Variants in MIPEP observed in about 807,000 individuals in gnomAD.
MIPEP encodes the protein mitochondrial intermediate peptidase.
Under a neutral mutation model 90.3 loss-of-function variants are expected in MIPEP, and 79 were observed. That is an observed-to-expected ratio of 0.87 (90% CI 0.73 to 1.05). The LOEUF (loss-of-function observed/expected upper bound fraction) is 1.05. MIPEP is among the 50% of genes least tolerant of loss of function. The probability of loss-of-function intolerance (pLI) is 0.00; values close to 1 mark genes in which losing one functional copy is unlikely to be tolerated. For synonymous variants in MIPEP, 334 were observed against 315.8 expected (o/e 1.06, Z -0.61); for missense variants, 940 against 905.6 (o/e 1.04, Z -0.49).
intron 14 of MIPEP, among the ~76,000 whole-genome samples, chr13:23,822,366 T>C (rs1953316262): frequency 6.6e-6 from 1 of 152,218 alleles, no homozygotes; most frequent in African/African-American, 2.4e-5. Context: ...TAAAGTTGCC[T>C]ATAAACTAAA....
intron 18 of MIPEP, among the ~76,000 whole-genome samples, chr13:23,739,933 A>G (rs1295253015): frequency 1.3e-5 from 2 of 152,262 alleles, no homozygotes; most frequent in African/African-American, 2.4e-5. Context: ...ATGGAAATAC[A>G]TAACTGTTCA....
chr13:23,754,201 C>T (rs1475783154), intron 18 of MIPEP, among the ~76,000 whole-genome samples: 1 of 152,074 alleles, frequency 6.6e-6, no homozygotes, highest in African/African-American at 2.4e-5. Flanking sequence ...GGCTGTGAGC[C>T]AACACCTAAG....
intron 16 of MIPEP, among the ~76,000 whole-genome samples, chr13:23,802,069 C>T (rs762915252): frequency 2.6e-5 from 4 of 152,104 alleles, no homozygotes; most frequent in African/African-American, 4.8e-5. Flanking sequence ...GCTCTCCTAC[C>T]TGCAGTGTAT....
chr13:23,795,032 G>A (rs868366482), intron 16 of MIPEP, among the ~76,000 whole-genome samples: 28 of 152,076 alleles, frequency 1.8e-4, no homozygotes, highest in Admixed American at 9.8e-4. Flanking sequence ...GTCTTTCTTC[G>A]TATTTAAGAT....
In MIPEP at chr13:23,862,302, G is replaced by A. The variant is rs145017249; in HGVS notation, c.1053C>T (p.Ser351=). ...GMKMKLNPQN[S]EVMPWDPPYY... The stretch of plus-strand genomic sequence containing the variant: ...AATAAAAATATTCCAACATACTTAC[G>A]GAATTTTGAGGATTCAGTTTCATTT... Residue 351 remains serine (S), a splice_region_variant and synonymous_variant, in exon 9 of 19, where the codon TCC becomes TCT. Coordinates refer to ENST00000382172, the MANE Select transcript of MIPEP (RefSeq NM_005932.4). 8.3e-5 allele frequency: 127 copies of A among 1,533,304 alleles called. No individual in the cohort carries two copies. The African/African-American group carries it at 1.2e-3, about 15-fold the overall frequency. 95.0% of individuals were successfully genotyped at this position (1,533,304 alleles called of 1,614,324 possible). A position where few individuals can be genotyped will look rare whatever the true frequency, so the allele number is the denominator to read the frequency against.
intron 16 of MIPEP, 21 bp downstream of exon 16, chr13:23,805,924 AAACAG>A: frequency 6.2e-7 from 1 of 1,611,832 alleles, no homozygotes; most frequent in Non-Finnish European, 8.5e-7. Flanking sequence ...TCAATACACA[AAACAG>A]AAGCCAAATG....
intron 7 of MIPEP, among the ~76,000 whole-genome samples, chr13:23,867,208 C>A (rs1268430611): frequency 1.3e-5 from 2 of 152,200 alleles, no homozygotes; most frequent in South Asian, 2.1e-4. Flanking sequence ...TACTTAATGC[C>A]GCCCCTTGTC....
At chr13:23,806,149 G>T in intron 15 of MIPEP, 80 bp from the exon 16 acceptor site, 1 of 1,425,450 alleles carries the variant, frequency 7.0e-7, no homozygotes, top group Non-Finnish European at 9.8e-7. Context: ...TGCTATAAGT[G>T]CACCAGAACA....
intron 10 of MIPEP, among the ~76,000 whole-genome samples, chr13:23,844,128 A>G (rs1422428882): frequency 2.0e-5 from 3 of 151,980 alleles, no homozygotes; most frequent in African/African-American, 4.8e-5. Flanking sequence ...CACTGTACAG[A>G]TATTAGAGCC....
Position 23,869,925 on chromosome 13 carries a change from T to C in MIPEP, c.786+88A>G, listed in dbSNP as rs960175419. On this transcript the variant is annotated intron_variant, in intron 6 of 18. Coordinates refer to ENST00000382172, the MANE Select transcript of MIPEP (RefSeq NM_005932.4). ...AGTAATGCTAAAAAGTTTTTAAGGA[T>C]ACTATTATATTATCACTGAATTTTG... The C allele has an allele frequency of 1.0e-5, 11 of 1,072,778 alleles. No homozygotes were observed. In the African/African-American group the frequency reaches 1.3e-4, roughly 13 times the overall value. The allele number at this position is 1,072,778 out of a possible 1,614,324, so 66.5% of individuals were successfully genotyped here. A position where few individuals can be genotyped will look rare whatever the true frequency, so the allele number is the denominator to read the frequency against.
intron 18 of MIPEP, among the ~76,000 whole-genome samples, chr13:23,750,062 T>C (rs1395710107): frequency 6.7e-6 from 1 of 149,384 alleles, no homozygotes; most frequent in Non-Finnish European, 1.5e-5. Context: ...CTAAAAACCT[T>C]CCCAAGGAGG....
In MIPEP at chr13:23,787,523, C is replaced by T. The variant is rs549523246; in HGVS notation, c.1848+18427G>A. On this transcript the variant is annotated intron_variant, in intron 16 of 18. Transcript: ENST00000382172. Reference sequence around the variant, plus strand: ...CTTCATGAGGGCTCTATCTTCATATCCTAAAGATCTCCCAAAGGTCCCACC... The same window carrying T: ...CTTCATGAGGGCTCTATCTTCATATTCTAAAGATCTCCCAAAGGTCCCACC... Among the ~76,000 whole-genome samples the T allele has an allele frequency of 3.9e-5, 6 of 152,176 alleles. No homozygotes were observed. The South Asian group carries it at 8.3e-4, about 21-fold the overall frequency.
intron 2 of MIPEP, among the ~76,000 whole-genome samples, chr13:23,882,287 G>A (rs1313238179): frequency 6.6e-6 from 1 of 151,744 alleles, no homozygotes; most frequent in African/African-American, 2.4e-5. Flanking sequence ...ACAACTTTCT[G>A]GCTAAAATTC....
chr13:23,789,999 C>T (rs900466318), intron 16 of MIPEP, among the ~76,000 whole-genome samples: 5 of 152,188 alleles, frequency 3.3e-5, no homozygotes, highest in Non-Finnish European at 5.9e-5. Context: ...CCTCTGCCTT[C>T]TTTGAAGGTT....
chr13:23,753,967 G>A (rs1952466587), intron 18 of MIPEP, among the ~76,000 whole-genome samples: 1 of 152,118 alleles, frequency 6.6e-6, no homozygotes, highest in African/African-American at 2.4e-5. Flanking sequence ...TTGTGATTTG[G>A]TTAGGGAGGT....
At chr13:23,761,510 G>C (rs189377020) in intron 16 of MIPEP, among the ~76,000 whole-genome samples, 4 of 152,268 alleles carry the variant, frequency 2.6e-5, no homozygotes. Context: ...AGTTATGATA[G>C]GAAAAGCCAC....
At chr13:23,785,569 A>G (rs539953569) in intron 16 of MIPEP, among the ~76,000 whole-genome samples, 13 of 151,628 alleles carry the variant, frequency 8.6e-5, no homozygotes, top group Non-Finnish European at 1.3e-4. Flanking sequence ...GCACATGTAT[A>G]CATATGTAAT....
rs537201258 is a variant in MIPEP, at chr13:23,864,638, A to C, written c.944-449T>G. ...ATAGTCCCAGCTACTTGGGAGGCTA[A>C]GGCAGGAGAATAGCTTGAACCCAGG... On this transcript the variant is annotated intron_variant, in intron 7 of 18. Transcript: ENST00000382172. 3.3e-5 allele frequency among the ~76,000 whole-genome samples: 5 copies of C among 151,688 alleles called. No homozygotes were observed. In the East Asian group the frequency reaches 9.8e-4, roughly 30 times the overall value.
At position 23,730,285 on chromosome 13, in the gene MIPEP, G is replaced by A. The variant is rs1952190346; in HGVS notation, c.*63C>T. On this transcript the variant is annotated 3_prime_UTR_variant, in exon 19 of 19. Coordinates refer to ENST00000382172, the MANE Select transcript of MIPEP (RefSeq NM_005932.4). Reference sequence around the variant, plus strand: ...AAATCAGAAACAAGCTCTCACAGCTGTAGCATTTATAACAAAGTCATTATC... The same window carrying A: ...AAATCAGAAACAAGCTCTCACAGCTATAGCATTTATAACAAAGTCATTATC... 9.4e-7 allele frequency: 1 copy of A among 1,068,932 alleles called. No individual in the cohort carries two copies. Among genetic ancestry groups the A allele is most frequent in the Admixed American group, 1.9e-5 (1 of 52,710 alleles). 66.2% of individuals were successfully genotyped at this position (1,068,932 alleles called of 1,614,324 possible). A position where few individuals can be genotyped will look rare whatever the true frequency, so the allele number is the denominator to read the frequency against.
Sources: allele counts gnomAD v4.1 joint callset (sites outside exome capture counted in the v4.1 genomes callset), GRCh38; gene constraint gnomAD v4.1.1; transcripts MANE v1.5; gene names NCBI Gene and HGNC (gene_info 2026-07-23, HGNC 2026-07-21).